F10: variants seen among roughly 807,000 people sequenced by gnomAD.
F10 encodes coagulation factor X.
F10 carries 29 observed loss-of-function variants against 37.1 expected under a neutral mutation model. That is an observed-to-expected ratio of 0.78 (90% CI 0.58 to 1.07). F10 has a LOEUF of 1.07. F10 is among the 50% of genes least tolerant of loss of function. The pLI is 0.00. For synonymous variants in F10, 262 were observed against 268.6 expected, an observed-to-expected ratio of 0.98 and a Z score of 0.24; for missense variants, 539 against 667.9, an observed-to-expected ratio of 0.81 and a Z score of 2.13.
intron 1 of F10, among the ~76,000 whole-genome samples, chr13:113,125,258 G>A (rs949353743): frequency 3.3e-5 from 5 of 152,212 alleles, no homozygotes; most frequent in African/African-American, 1.2e-4. Context: ...AACTACTGCT[G>A]TTGTACTGGC....
Position 113,129,581 on chromosome 13 carries a change from C to T in F10, c.200C>T (p.Ala67Val), listed in dbSNP as rs371604352. 8.1e-5 allele frequency: 130 copies of T among 1,614,078 alleles called. 1 individual carries two copies. Among genetic ancestry groups the T allele is most frequent in the Non-Finnish European group, 8.8e-5 (104 of 1,180,048 alleles). ...GAAGAGACCTGCTCATACGAAGAGG[C>T]CCGCGAGGTCTTTGAGGACAGCGAC... ...CMEETCSYEE[A>V]REVFEDSDKT... Residue 67 changes from alanine to valine, a missense_variant, in exon 2 of 8, where the codon GCC becomes GTC. Physicochemically the swap from Ala to Val is moderately conservative, Grantham distance 64. Transcript: ENST00000375559.
chr13:113,143,433 A>G lies in F10; in HGVS notation c.503-418A>G, dbSNP rs1401374501. Among the ~76,000 whole-genome samples, 1 of 152,120 alleles carries G rather than the reference A, an allele frequency of 6.6e-6. No individual in the cohort carries two copies. The highest frequency in any genetic ancestry group is 1.5e-5 in the Non-Finnish European group (1 of 68,028). On this transcript the variant is annotated intron_variant, in intron 5 of 7. Coordinates refer to ENST00000375559, the MANE Select transcript of F10 (RefSeq NM_000504.4). The surrounding 1 kb of genome is among the most constrained non-coding windows in gnomAD (Gnocchi z 6.8). ...CACAGCACACTGGAAAGAATTTTGCAGGGAGTCGCACACGCCCAGCACTTG... is the reference window on the plus strand; with the variant it reads ...CACAGCACACTGGAAAGAATTTTGCGGGGAGTCGCACACGCCCAGCACTTG...
In F10 at chr13:113,143,615, C is replaced by T. The variant is rs1350745574; in HGVS notation, c.503-236C>T. On this transcript the variant is annotated intron_variant, in intron 5 of 7. Transcript: ENST00000375559. The surrounding 1 kb of genome is among the most constrained non-coding windows in gnomAD (Gnocchi z 6.8). ...CCTCGCTGCCTGGGTTGCTGCCTGG[C>T]GTCCATTGTTCACAGGCGGTCACCT... Among the ~76,000 whole-genome samples the T allele has an allele frequency of 2.0e-5, 3 of 152,200 alleles. No individual in the cohort carries two copies. Among genetic ancestry groups the T allele is most frequent in the Non-Finnish European group, 4.4e-5 (3 of 68,030 alleles).
At position 113,143,817 on chromosome 13, in the gene F10, G is replaced by A; in HGVS notation, c.503-34G>A. On this transcript the variant is annotated intron_variant, in intron 5 of 7. Coordinates refer to ENST00000375559, the MANE Select transcript of F10 (RefSeq NM_000504.4). The surrounding 1 kb of genome is among the most constrained non-coding windows in gnomAD (Gnocchi z 6.8). Reference sequence around the variant, plus strand: ...TGCAGGCTATGGGGAGCCTCTCTCTGTGCTGAAGGCCCCGGCCGTCCTCTT... The same window carrying A: ...TGCAGGCTATGGGGAGCCTCTCTCTATGCTGAAGGCCCCGGCCGTCCTCTT... 1.2e-6 allele frequency: 2 copies of A among 1,608,128 alleles called. No individual in the cohort carries two copies. Among genetic ancestry groups the A allele is most frequent in the Non-Finnish European group, 1.7e-6 (2 of 1,179,940 alleles).
At chr13:113,130,042 G>A (rs948452934) in intron 2 of F10, 1 of 318,610 alleles carries the variant, frequency 3.1e-6, no homozygotes, top group Non-Finnish European at 6.1e-6. Flanking sequence ...ACAGCCTAGA[G>A]CGCCAGCGCG....
chr13:113,145,605 T>C (rs2036575256), intron 6 of F10, among the ~76,000 whole-genome samples: 1 of 152,192 alleles, frequency 6.6e-6, no homozygotes, highest in Admixed American at 6.5e-5. Context: ...GACACATACA[T>C]ACCCGAGACT....
Position 113,129,547 on chromosome 13 carries a change from G to A in F10, c.166G>A (p.Glu56Lys), listed in dbSNP as rs756615469. Reference sequence around the variant, plus strand: ...GATGAAGAAAGGACACCTCGAAAGAGAGTGCATGGAAGAGACCTGCTCATA... The same window carrying A: ...GATGAAGAAAGGACACCTCGAAAGAAAGTGCATGGAAGAGACCTGCTCATA... ...EEMKKGHLER[E>K]CMEETCSYEE... The change falls in exon 2 of 8, where the codon GAG becomes AAG. Residue 56 changes from glutamate (E) to lysine (K), a missense_variant. Physicochemically the swap from Glu to Lys is moderately conservative, Grantham distance 56. Around this residue, in one of 2 missense-constraint regions of F10, gnomAD observed 130 missense variants for 120.0 expected, o/e 1.08. Transcript: ENST00000375559. 1.1e-5 allele frequency: 17 copies of A among 1,614,200 alleles called. No individual in the cohort carries two copies. Among genetic ancestry groups the A allele is most frequent in the Non-Finnish European group, 1.4e-5 (17 of 1,180,030 alleles).
chr13:113,124,453 CG>C, intron 1 of F10, among the ~76,000 whole-genome samples: 1 of 152,318 alleles, frequency 6.6e-6, no homozygotes, highest in Middle Eastern at 3.4e-3. Context: ...GTGGTGTCCC[CG>C]GGGGCCGGCC....
chr13:113,138,245 T>C (rs1220116676), intron 2 of F10, among the ~76,000 whole-genome samples: 1 of 152,240 alleles, frequency 6.6e-6, no homozygotes, highest in Non-Finnish European at 1.5e-5. Context: ...AGATGGTTCA[T>C]TTAAGATGAC....
At chr13:113,134,148 T>C (rs1225033948) in intron 2 of F10, among the ~76,000 whole-genome samples, 1 of 152,150 alleles carries the variant, frequency 6.6e-6, no homozygotes, top group Non-Finnish European at 1.5e-5. Context: ...ACACTCCTAA[T>C]TCAACATTAT....
intron 1 of F10, among the ~76,000 whole-genome samples, chr13:113,126,750 A>G (rs1171565448): frequency 1.3e-5 from 2 of 152,196 alleles, no homozygotes; most frequent in Non-Finnish European, 2.9e-5. Flanking sequence ...GGAGCCCAGG[A>G]GGCCCGCGAG....
intron 7 of F10, 58 bp downstream of exon 7, chr13:113,147,554 CA>C: frequency 9.8e-7 from 1 of 1,022,272 alleles, no homozygotes. Context: ...GTCTGCTTTT[CA>C]GAAACCACTA....
At chr13:113,122,949 C>A in intron 1 of F10, 24 bp downstream of exon 1, 2 of 1,606,818 alleles carry the variant, frequency 1.2e-6, no homozygotes. Flanking sequence ...GCCCTTCAGA[C>A]CCAAAAGCAG....
chr13:113,149,126 G>C lies in F10; in HGVS notation c.1076G>C (p.Gly359Ala). Residue 359 changes from glycine (G) to alanine (A), a missense_variant, in exon 8 of 8, where the codon GGG becomes GCG. Gly to Ala is a moderately conservative substitution (Grantham distance 60). Around this residue, in one of 2 missense-constraint regions of F10, gnomAD observed 409 missense variants for 547.9 expected, o/e 0.75. Coordinates refer to ENST00000375559, the MANE Select transcript of F10 (RefSeq NM_000504.4). This position sits in a 1 kb window ranked among gnomAD's most constrained non-coding sequence, Gnocchi z 7.5. ...TCCACGCTGATGACGCAGAAGACGG[G>C]GATTGTGAGCGGCTTCGGGCGCACC... The part of the protein sequence containing the change: ...AESTLMTQKT[G>A]IVSGFGRTHE... The C allele has an allele frequency of 6.2e-7, 1 of 1,613,066 alleles. No individual in the cohort carries two copies. The highest frequency in any genetic ancestry group is 2.2e-5 in the East Asian group (1 of 44,878).
At chr13:113,148,813 C>T in intron 7 of F10, 103 bp from the exon 8 acceptor site, 1 of 1,511,716 alleles carries the variant, frequency 6.6e-7, no homozygotes, top group South Asian at 1.3e-5. Flanking sequence ...GATCACGTGC[C>T]ATTTTTAATT....
At position 113,149,200 on chromosome 13, in the gene F10, TACGTGGACCGCAACAGC is replaced by T. The variant is rs1296692376; in HGVS notation, c.1151_1167del (p.Tyr384LeufsTer57). Reference sequence around the variant, plus strand: ...CAGGCTCAAGATGCTGGAGGTGCCCTACGTGGACCGCAACAGCTGCAAGCTGTCCAGCAGCTTCATCA... The same window carrying T: ...CAGGCTCAAGATGCTGGAGGTGCCCTTGCAAGCTGTCCAGCAGCTTCATCA... On this transcript the variant is annotated frameshift_variant, in exon 8 of 8. Transcript: ENST00000375559. LOFTEE classifies it low-confidence loss of function (END_TRUNC). The surrounding 1 kb of genome is among the most constrained non-coding windows in gnomAD (Gnocchi z 7.5). The T allele has an allele frequency of 1.3e-5, 21 of 1,612,916 alleles. No homozygotes were observed. Among genetic ancestry groups the T allele is most frequent in the Non-Finnish European group, 1.6e-5 (19 of 1,180,008 alleles).
intron 7 of F10, 58 bp from the exon 8 acceptor site, chr13:113,148,858 G>A (rs764329890): frequency 2.5e-6 from 4 of 1,579,290 alleles, no homozygotes; most frequent in Admixed American, 1.8e-5. Flanking sequence ...AAAAAGCAAC[G>A]GATGTGCGAG....
chr13:113,138,713 C>T (rs980215958), intron 3 of F10, among the ~76,000 whole-genome samples: 16 of 152,200 alleles, frequency 1.1e-4, no homozygotes, highest in African/African-American at 3.6e-4. Context: ...AGTTCATTCT[C>T]ATTTGAGGAT....
intron 2 of F10, 126 bp downstream of exon 2, chr13:113,129,738 G>A: frequency 7.8e-7 from 1 of 1,289,736 alleles, no homozygotes; most frequent in Non-Finnish European, 1.1e-6. Context: ...AAGGCTTTCA[G>A]GGGCGGGGCC....
Sources: allele counts gnomAD v4.1 joint callset (sites outside exome capture counted in the v4.1 genomes callset), GRCh38; gene constraint gnomAD v4.1.1; regional missense constraint gnomAD v4.1.1; non-coding constraint Gnocchi (gnomAD v3.1); transcripts MANE v1.5; gene names NCBI Gene and HGNC (gene_info 2026-07-23, HGNC 2026-07-21).